The following MEI1 variants were observed in gnomAD, a reference collection of about 807,000 sequenced individuals.
MEI1 encodes meiotic double-stranded break formation protein 1, also known as meiosis inhibitor protein 1.
Under a neutral mutation model 146.2 loss-of-function variants are expected in MEI1, and 103 were observed. The ratio of observed to expected loss-of-function variants is 0.70; its 90% CI spans 0.60 to 0.83. The LOEUF (loss-of-function observed/expected upper bound fraction) is 0.83, where lower values mean the gene tolerates loss of function less well. Among genes scored for constraint, MEI1 ranks in the 40% least tolerant of loss-of-function variants. MEI1 has a pLI of 0.00. For missense variants in MEI1, 1,529 were observed against 1,533.0 expected (o/e 1.00, Z 0.04); for synonymous variants, 652 against 628.2 (o/e 1.04, Z -0.57).
At position 41,705,489 on chromosome 22, in the gene MEI1, TC is replaced by T; in HGVS notation, c.299-12del. 6.2e-7 allele frequency: 1 copy of T among 1,613,212 alleles called. No homozygotes were observed. The highest frequency in any genetic ancestry group is 8.5e-7 in the Non-Finnish European group (1 of 1,179,368). ...CCTGCCTAACCACCCCTTTCTTACC[TC>T]CCTCTGCTCCAAGGACTATTATGCA... On this transcript the variant is annotated splice_polypyrimidine_tract_variant and intron_variant, in intron 2 of 30. Transcript: ENST00000401548.
At chr22:41,742,674 CAA>C (rs1365726521) in intron 11 of MEI1, among the ~76,000 whole-genome samples, 1 of 152,080 alleles carries the variant, frequency 6.6e-6, no homozygotes. Context: ...TTTTTTGAGA[CAA>C]AGTCTTGTTC....
At chr22:41,745,179 C>A in intron 13 of MEI1, 115 bp downstream of exon 13, 2 of 732,806 alleles carry the variant, frequency 2.7e-6, no homozygotes, top group Non-Finnish European at 2.1e-6. Context: ...TGCTGTATGG[C>A]AAAGAGGACT....
intron 24 of MEI1, 91 bp from the exon 25 acceptor site, chr22:41,784,248 G>T: frequency 9.0e-7 from 1 of 1,107,582 alleles, no homozygotes; most frequent in East Asian, 2.4e-5. Flanking sequence ...GGATATGTGG[G>T]GGGAGGTGAT....
rs1343108385 is a variant in MEI1, at chr22:41,784,388, G to A, written c.3137G>A (p.Ser1046Asn). 4.3e-6 allele frequency: 7 copies of A among 1,613,826 alleles called. No individual in the cohort carries two copies. In the Admixed American group the frequency reaches 6.7e-5, roughly 15 times the overall value. Reference sequence around the variant, plus strand: ...ATGGACCAAGTATTGAAGGCTCTCAGCTTTCCAAAGAAAAAGGCTGCACTA... The same window carrying A: ...ATGGACCAAGTATTGAAGGCTCTCAACTTTCCAAAGAAAAAGGCTGCACTA... ...VEMDQVLKAL[S>N]FPKKKAALLS... Residue 1046 changes from serine (S) to asparagine (N), a missense_variant, in exon 25 of 31, where the codon AGC becomes AAC. Around this residue, in one of 3 missense-constraint regions of MEI1, gnomAD observed 313 missense variants for 337.3 expected, o/e 0.93. Coordinates refer to ENST00000401548, the MANE Select transcript of MEI1 (RefSeq NM_152513.4).
chr22:41,731,264 A>G (rs1025162626), intron 9 of MEI1, among the ~76,000 whole-genome samples: 2 of 151,940 alleles, frequency 1.3e-5, no homozygotes, highest in African/African-American at 4.8e-5. Context: ...CATGTTGTCC[A>G]AGCTGGTCTC....
chr22:41,707,157 C>T (rs1022814257), intron 3 of MEI1, among the ~76,000 whole-genome samples: 4 of 151,858 alleles, frequency 2.6e-5, no homozygotes, highest in East Asian at 1.9e-4. Context: ...GAGCTGAGAT[C>T]GCGCCACTGC....
chr22:41,795,288 T>C lies in MEI1; in HGVS notation c.3535-123T>C. The C allele has an allele frequency of 2.2e-6, 3 of 1,378,580 alleles. No individual in the cohort carries two copies. In the South Asian group the frequency reaches 4.0e-5, roughly 19 times the overall value. 85.4% of individuals were successfully genotyped at this position (1,378,580 alleles called of 1,614,324 possible). Reference sequence around the variant, plus strand: ...CCTCTGCCCACTAACTCTGAGCTCCTTGAAGGCAGGCAGGTTCTGTGGGCT... The same window carrying C: ...CCTCTGCCCACTAACTCTGAGCTCCCTGAAGGCAGGCAGGTTCTGTGGGCT... On this transcript the variant is annotated intron_variant, in intron 28 of 30. Coordinates refer to ENST00000401548, the MANE Select transcript of MEI1 (RefSeq NM_152513.4). The surrounding 1 kb of genome is among the most constrained non-coding windows in gnomAD (Gnocchi z 4.2).
At chr22:41,763,396 A>G (rs1233096693) in intron 19 of MEI1, 75 bp downstream of exon 19, 1 of 1,521,142 alleles carries the variant, frequency 6.6e-7, no homozygotes, top group Non-Finnish European at 9.0e-7. Context: ...GACCATGATG[A>G]TGATAGTGTA....
rs148794911 is a variant in MEI1 at position 41,767,097 on chromosome 22, A to G, written c.2269-3589A>G. Among the ~76,000 whole-genome samples the G allele has an allele frequency of 1.6e-3, 239 of 152,254 alleles. 1 individual carries two copies. Among genetic ancestry groups the G allele is most frequent in the African/African-American group, 5.7e-3 (237 of 41,554 alleles). ...ACTGCCTAGATGAGGTAGTGCTGCA[A>G]GGGGCACCTTCAGGAGGCTCGTGGA... On this transcript the variant is annotated intron_variant, in intron 19 of 30. Transcript: ENST00000401548.
At chr22:41,721,543 C>G (rs2147426360) in intron 6 of MEI1, among the ~76,000 whole-genome samples, 1 of 124,422 alleles carries the variant, frequency 8.0e-6, no homozygotes, top group African/African-American at 3.3e-5. Flanking sequence ...CGTGCCCAGC[C>G]CGTGCCTGGC....
intron 21 of MEI1, among the ~76,000 whole-genome samples, chr22:41,776,945 C>T (rs5751158): frequency 1.3e-5 from 2 of 151,770 alleles, no homozygotes; most frequent in East Asian, 3.9e-4. Context: ...TCCCAAGTAG[C>T]TGGGACTTAC....
Position 41,729,740 on chromosome 22 carries a change from G to T in MEI1, c.940G>T (p.Ala314Ser), listed in dbSNP as rs1297582426. Reference sequence around the variant, plus strand: ...AACTGCGGTGCTTGTCCACTCCCCAGCAAAGCATGCGTCAGCCTTCATCCA... The same window carrying T: ...AACTGCGGTGCTTGTCCACTCCCCATCAAAGCATGCGTCAGCCTTCATCCA... ...CITAVLVHSP[A>S]KHASAFIHAD... Residue 314 changes from alanine (A) to serine (S), a missense_variant, in exon 8 of 31, where the codon GCA becomes TCA. By Grantham distance (99) the Ala-to-Ser change is moderately conservative. This residue lies in a region of MEI1 where 1,212 missense variants were observed against 1,178.9 expected (regional missense o/e 1.03). Transcript: ENST00000401548. The T allele has an allele frequency of 6.2e-7, 1 of 1,611,188 alleles. No homozygotes were observed. The highest frequency in any genetic ancestry group is 1.1e-5 in the South Asian group (1 of 90,270).
At chr22:41,736,980 A>G (rs943835999) in intron 11 of MEI1, among the ~76,000 whole-genome samples, 3 of 152,164 alleles carry the variant, frequency 2.0e-5, no homozygotes, top group Non-Finnish European at 2.9e-5. Context: ...TTGGGATCTA[A>G]AGAATTAGAT....
chr22:41,745,995 C>T lies in MEI1; in HGVS notation c.1649C>T (p.Ala550Val). The T allele has an allele frequency of 6.2e-7, 1 of 1,610,094 alleles. No homozygotes were observed. The highest frequency in any genetic ancestry group is 8.5e-7 in the Non-Finnish European group (1 of 1,178,002). Residue 550 changes from alanine to valine, a missense_variant, in exon 14 of 31, where the codon GCC (alanine) becomes GTC (valine). By Grantham distance (64) the Ala-to-Val change is moderately conservative. Around this residue, in one of 3 missense-constraint regions of MEI1, gnomAD observed 1,212 missense variants for 1,178.9 expected, o/e 1.03. Coordinates refer to ENST00000401548, the MANE Select transcript of MEI1 (RefSeq NM_152513.4). ...LEAFSEFLLS[A>V]CDSLCIPMVM... ...GCCTTCTCAGAATTTCTTCTCAGTG[C>T]CTGTGACTCGCTGTGTATCCCCATG...
intron 19 of MEI1, among the ~76,000 whole-genome samples, chr22:41,769,654 T>C (rs1475833944): frequency 4.6e-5 from 7 of 151,492 alleles, no homozygotes; most frequent in Non-Finnish European, 1.0e-4. Context: ...TTATTTTTAG[T>C]AGAGACGGAG....
chr22:41,735,409 T>G (rs773965735), intron 11 of MEI1, among the ~76,000 whole-genome samples: 92 of 152,178 alleles, frequency 6.0e-4, no homozygotes, highest in Non-Finnish European at 9.4e-4. Flanking sequence ...TAATTTTGTA[T>G]TTTTAGTAGA....
intron 14 of MEI1, among the ~76,000 whole-genome samples, chr22:41,747,049 T>TATTATA (rs146710794): frequency 9.2e-4 from 138 of 149,354 alleles, no homozygotes; most frequent in Non-Finnish European, 1.6e-3. Flanking sequence ...ATATTACTTT[T>TATTATA]ATAATAATAA....
rs1197101911 is a variant in MEI1 at position 41,795,758 on chromosome 22, T to C, written c.3690T>C (p.Ala1230=). The change falls in exon 30 of 31, where the codon GCT becomes GCC. Residue 1230 remains alanine (A), a synonymous_variant. Coordinates refer to ENST00000401548, the MANE Select transcript of MEI1 (RefSeq NM_152513.4). This position sits in a 1 kb window ranked among gnomAD's most constrained non-coding sequence, Gnocchi z 4.2. ...AGCTCCAGAGCATGGGACACCTGGC[T>C]GACCACAGCATGGCCCAGACCCTGC... The part of the protein sequence containing the change: ...FQQLQSMGHL[A]DHSMAQTLQA... 5 of 1,613,732 alleles carry C rather than the reference T, an allele frequency of 3.1e-6. No individual in the cohort carries two copies. The highest frequency in any genetic ancestry group is 4.2e-6 in the Non-Finnish European group (5 of 1,179,772).
chr22:41,712,671 G>GGTGTGTGTGTGTGT (rs1191178804), intron 3 of MEI1, among the ~76,000 whole-genome samples: 16 of 56,258 alleles, frequency 2.8e-4, no homozygotes, highest in African/African-American at 1.1e-3. Context: ...AATAGAAATA[G>GGTGTGTGTGTGTGT]ATGTGTGTGT....
Sources: gnomAD v4.1 joint callset for allele counts (sites outside exome capture counted in the v4.1 genomes callset) on GRCh38, gnomAD v4.1.1 for gene constraint, gnomAD v4.1.1 regional missense constraint, Gnocchi (gnomAD v3.1) non-coding constraint, MANE v1.5 for transcripts, NCBI Gene and HGNC (gene_info 2026-07-23, HGNC 2026-07-21) for gene names.